Variants in VTI1A observed in about 807,000 individuals in gnomAD.
VTI1A encodes vesicle transport through interaction with t-SNAREs homolog 1A.
Under a neutral mutation model 34.9 loss-of-function variants are expected in VTI1A, and 22 were observed. That is an observed-to-expected ratio of 0.63 (90% confidence interval 0.45 to 0.90). The LOEUF (loss-of-function observed/expected upper bound fraction) is 0.90, where lower values mean the gene tolerates loss of function less well. VTI1A is among the 40% of genes least tolerant of loss of function. The pLI, the probability that VTI1A is intolerant of heterozygous loss-of-function variation, is 0.00. For synonymous variants in VTI1A, 87 were observed against 97.3 expected (o/e 0.89, Z 0.62); for missense variants, 268 against 275.6 (o/e 0.97, Z 0.20).
chr10:112,579,966 G>C (rs1843859856), intron 5 of VTI1A, among the ~76,000 whole-genome samples: 1 of 152,172 alleles, frequency 6.6e-6, no homozygotes, highest in South Asian at 2.1e-4. Flanking sequence ...TAGTGGAAAA[G>C]TTGATCCTAG....
chr10:112,536,864 C>T (rs765737006), intron 4 of VTI1A, among the ~76,000 whole-genome samples: 6 of 151,410 alleles, frequency 4.0e-5, no homozygotes, highest in East Asian at 1.9e-4. Flanking sequence ...AAGGAAATCA[C>T]GTTGTGAATG....
At chr10:112,747,582 A>G (rs1044213854) in intron 7 of VTI1A, among the ~76,000 whole-genome samples, 4 of 152,210 alleles carry the variant, frequency 2.6e-5, no homozygotes, top group Non-Finnish European at 4.4e-5. Flanking sequence ...CGATGACCGT[A>G]ATTGTTTTGT....
chr10:112,649,788 T>C (rs906262285), intron 5 of VTI1A, among the ~76,000 whole-genome samples: 4 of 152,218 alleles, frequency 2.6e-5, no homozygotes, highest in Non-Finnish European at 5.9e-5. Context: ...TATAGTATGT[T>C]ACTGTACTGA....
intron 7 of VTI1A, among the ~76,000 whole-genome samples, chr10:112,768,365 A>G (rs1422817495): frequency 2.0e-5 from 3 of 152,220 alleles, no homozygotes; most frequent in Non-Finnish European, 2.9e-5. Flanking sequence ...GGAAGAAAGC[A>G]TAAGACCAAA....
At position 112,780,321 on chromosome 10, in the gene VTI1A, T is replaced by A. The variant is rs950320108; in HGVS notation, c.561-34969T>A. ...ATAAATAAATAAATAAATAAATAAA[T>A]AAAATAATAACCTACCTATATGCCT... On this transcript the variant is annotated intron_variant, in intron 7 of 7. Transcript: ENST00000393077. Among the ~76,000 whole-genome samples the A allele has an allele frequency of 4.6e-5, 6 of 130,316 alleles. No individual in the cohort carries two copies. In the South Asian group the frequency reaches 1.0e-3, roughly 22 times the overall value. 85.5% of individuals were successfully genotyped at this position (130,316 alleles called of 152,430 possible).
chr10:112,660,546 G>T (rs1231268024), intron 5 of VTI1A, among the ~76,000 whole-genome samples: 3 of 152,182 alleles, frequency 2.0e-5, no homozygotes, highest in Non-Finnish European at 2.9e-5. Flanking sequence ...CTTTCAGTTT[G>T]CCTTAAAGAC....
At chr10:112,516,744 A>G (rs907508880) in intron 3 of VTI1A, among the ~76,000 whole-genome samples, 41 of 152,192 alleles carry the variant, frequency 2.7e-4, no homozygotes, top group South Asian at 2.1e-4. Context: ...TCTGAAAAAT[A>G]AGGGTTTAAT....
intron 4 of VTI1A, among the ~76,000 whole-genome samples, chr10:112,533,249 C>G (rs1471435468): frequency 6.6e-6 from 1 of 151,988 alleles, no homozygotes; most frequent in South Asian, 2.1e-4. Flanking sequence ...AAGTCGTTCC[C>G]CTTTATTTCA....
intron 7 of VTI1A, among the ~76,000 whole-genome samples, chr10:112,689,989 A>G (rs1397665092): frequency 1.3e-5 from 2 of 152,154 alleles, no homozygotes; most frequent in African/African-American, 4.8e-5. Context: ...TGCCTTTTCT[A>G]AAATTTCATG....
At chr10:112,772,625 C>G (rs1430523771) in intron 7 of VTI1A, among the ~76,000 whole-genome samples, 2 of 152,212 alleles carry the variant, frequency 1.3e-5, no homozygotes, top group Admixed American at 6.5e-5. Flanking sequence ...ACCCACACCA[C>G]AAGGACTTAT....
chr10:112,782,116 T>C (rs914559243), intron 7 of VTI1A, among the ~76,000 whole-genome samples: 1 of 152,244 alleles, frequency 6.6e-6, no homozygotes, highest in African/African-American at 2.4e-5. Context: ...CATGTGATTT[T>C]GTTAAGGCCT....
the VTI1A span, chr10:112,825,002 G>A: frequency 3.9e-5 from 6 of 152,232 alleles, no homozygotes; most frequent in Admixed American, 3.9e-4. Context: ...CAGGGCTGGT[G>A]TCACAGGTGT....
At chr10:112,686,353 A>C (rs1848412785) in intron 7 of VTI1A, among the ~76,000 whole-genome samples, 1 of 152,170 alleles carries the variant, frequency 6.6e-6, no homozygotes, top group Admixed American at 6.5e-5. Flanking sequence ...ATTCAAATGT[A>C]ATGGACACTT....
intron 7 of VTI1A, among the ~76,000 whole-genome samples, chr10:112,715,861 G>T (rs986275021): frequency 6.6e-6 from 1 of 152,170 alleles, no homozygotes; most frequent in South Asian, 2.1e-4. Context: ...TGGTGTATTC[G>T]CAGACTTGTT....
At chr10:112,578,621 G>A (rs1843801796) in intron 5 of VTI1A, among the ~76,000 whole-genome samples, 1 of 152,104 alleles carries the variant, frequency 6.6e-6, no homozygotes, top group South Asian at 2.1e-4. Context: ...ATCCATATGA[G>A]TGCAACTTGT....
intron 3 of VTI1A, among the ~76,000 whole-genome samples, chr10:112,501,555 A>T (rs983025270): frequency 1.2e-4 from 18 of 152,316 alleles, no homozygotes; most frequent in African/African-American, 4.3e-4. Context: ...ACCTACTTTG[A>T]TTTTTAAGAA....
chr10:112,796,990 C>G (rs1031694583), intron 7 of VTI1A, among the ~76,000 whole-genome samples: 1 of 152,128 alleles, frequency 6.6e-6, no homozygotes, highest in African/African-American at 2.4e-5. Context: ...AAGCCTATAG[C>G]AGTCAAAACT....
At chr10:112,516,511 C>T (rs1164339670) in intron 3 of VTI1A, among the ~76,000 whole-genome samples, 2 of 151,984 alleles carry the variant, frequency 1.3e-5, no homozygotes, top group Non-Finnish European at 2.9e-5. Context: ...GAAAAGGTAT[C>T]TCCTTTTCTG....
At chr10:112,787,252 T>A (rs1275596664) in intron 7 of VTI1A, among the ~76,000 whole-genome samples, 1 of 152,210 alleles carries the variant, frequency 6.6e-6, no homozygotes, top group Admixed American at 6.5e-5. Context: ...TGTTCTTCTT[T>A]CATTCCTGAT....
Sources: allele counts gnomAD v4.1 joint callset (sites outside exome capture counted in the v4.1 genomes callset), GRCh38; gene constraint gnomAD v4.1.1; transcripts MANE v1.5; gene names NCBI Gene and HGNC (gene_info 2026-07-23, HGNC 2026-07-21).